The following NEBL variants were observed in gnomAD, a reference collection of about 807,000 sequenced individuals.
NEBL encodes LIM and SH3 protein 2.
NEBL carries 122 observed loss-of-function variants against 140.2 expected under a neutral mutation model. The ratio of observed to expected loss-of-function variants is 0.87; its 90% CI spans 0.75 to 1.01. The LOEUF (loss-of-function observed/expected upper bound fraction) is 1.01, where lower values mean the gene tolerates loss of function less well. NEBL is among the 50% of genes least tolerant of loss of function. The probability of loss-of-function intolerance (pLI) is 0.00; values close to 1 mark genes in which losing one functional copy is unlikely to be tolerated. For missense variants in NEBL, 1,365 were observed against 1,231.3 expected (o/e 1.11, Z -1.62); for synonymous variants, 436 against 398.9 (o/e 1.09, Z -1.11).
chr10:21,205,000 T>G (rs1274543842), intron 3 of NEBL, among the ~76,000 whole-genome samples: 1 of 152,234 alleles, frequency 6.6e-6, no homozygotes, highest in African/African-American at 2.4e-5. Context: ...AGAGCTACTA[T>G]TTCATAAACT....
At chr10:21,011,230 T>C (rs902663131) in intron 3 of NEBL, among the ~76,000 whole-genome samples, 21 of 152,180 alleles carry the variant, frequency 1.4e-4, no homozygotes, top group African/African-American at 4.6e-4. Flanking sequence ...CCCAGATCGC[T>C]GGGTGGCTGG....
intron 26 of NEBL, among the ~76,000 whole-genome samples, chr10:20,794,005 T>C (rs1000320345): frequency 3.9e-5 from 6 of 152,220 alleles, no homozygotes; most frequent in African/African-American, 9.6e-5. Flanking sequence ...CCCAGTGCTT[T>C]GTTTCCAATA....
At chr10:21,074,304 A>G (rs1298403685) in intron 2 of NEBL, among the ~76,000 whole-genome samples, 1 of 152,040 alleles carries the variant, frequency 6.6e-6, no homozygotes. Flanking sequence ...GTCTCTTTAG[A>G]TCTAGGCTTC....
intron 3 of NEBL, chr10:21,247,708 T>A (rs1774701771): frequency 6.6e-6 from 1 of 152,308 alleles, no homozygotes; most frequent in South Asian, 2.1e-4. Flanking sequence ...AGGTACCTCA[T>A]ACATGTGAAA....
chr10:21,087,403 A>C (rs896517317), intron 2 of NEBL, among the ~76,000 whole-genome samples: 2 of 152,156 alleles, frequency 1.3e-5, no homozygotes, highest in African/African-American at 4.8e-5. Flanking sequence ...TTTAGAAAAC[A>C]CACACTGAGA....
chr10:20,840,507 T>G (rs891416793), intron 13 of NEBL, among the ~76,000 whole-genome samples: 3 of 152,146 alleles, frequency 2.0e-5, no homozygotes, highest in Non-Finnish European at 2.9e-5. Flanking sequence ...TAAACTATTT[T>G]CGTTTATTAT....
At chr10:20,909,202 G>C (rs1225614291) in intron 4 of NEBL, among the ~76,000 whole-genome samples, 1 of 151,052 alleles carries the variant, frequency 6.6e-6, no homozygotes, top group Non-Finnish European at 1.5e-5. Context: ...AGTTATTATT[G>C]ACAGTCACCC....
intron 13 of NEBL, among the ~76,000 whole-genome samples, chr10:20,837,085 A>C (rs552724850): frequency 1.3e-5 from 2 of 152,286 alleles, no homozygotes; most frequent in South Asian, 4.1e-4. Flanking sequence ...AATGGCCCCT[A>C]GATGGTCAAG....
chr10:21,100,015 T>C (rs1356931387), intron 2 of NEBL, among the ~76,000 whole-genome samples: 1 of 152,160 alleles, frequency 6.6e-6, no homozygotes, highest in African/African-American at 2.4e-5. Context: ...CCTTTCTATT[T>C]CCCTTAAAAA....
At chr10:21,184,804 T>C (rs1841439462) in intron 3 of NEBL, among the ~76,000 whole-genome samples, 1 of 152,266 alleles carries the variant, frequency 6.6e-6, no homozygotes, top group African/African-American at 2.4e-5. Context: ...AAAACATTTG[T>C]TCGTGATGAT....
chr10:21,179,684 G>A (rs1841357371), upstream of NEBL, among the ~76,000 whole-genome samples: 1 of 151,594 alleles, frequency 6.6e-6, no homozygotes, highest in African/African-American at 2.4e-5. Flanking sequence ...ATAACACTAA[G>A]AGGGAGGCAA....
chr10:21,069,173 G>A (rs1835703565), intron 2 of NEBL, among the ~76,000 whole-genome samples: 1 of 152,182 alleles, frequency 6.6e-6, no homozygotes, highest in Non-Finnish European at 1.5e-5. Flanking sequence ...ACAGTCATGA[G>A]CCACCACACC....
chr10:20,861,363 G>A (rs987109484), intron 7 of NEBL, among the ~76,000 whole-genome samples: 4 of 152,110 alleles, frequency 2.6e-5, no homozygotes, highest in Admixed American at 1.3e-4. Context: ...ATTTTTAGCA[G>A]AGACAGGGTT....
At chr10:21,290,431 A>G (rs927581962) in intron 1 of NEBL, among the ~76,000 whole-genome samples, 1 of 152,242 alleles carries the variant, frequency 6.6e-6, no homozygotes, top group Non-Finnish European at 1.5e-5. Context: ...AAGCACATGC[A>G]GAGGTTCACT....
At chr10:21,140,547 A>AT in intron 2 of NEBL, among the ~76,000 whole-genome samples, 1 of 152,220 alleles carries the variant, frequency 6.6e-6, no homozygotes, top group Admixed American at 6.5e-5. Flanking sequence ...GCCTGAGTTT[A>AT]TCAAGCATCA....
chr10:20,912,677 C>A (rs1848377738), intron 4 of NEBL, among the ~76,000 whole-genome samples: 1 of 151,996 alleles, frequency 6.6e-6, no homozygotes. Flanking sequence ...TACGTTGCAC[C>A]TAGATTACTC....
chr10:20,930,676 C>A (rs1834140172), intron 4 of NEBL, among the ~76,000 whole-genome samples: 1 of 152,120 alleles, frequency 6.6e-6, no homozygotes, highest in Non-Finnish European at 1.5e-5. Context: ...CACTTGCTAC[C>A]CCTTCTGCCT....
intron 1 of NEBL, among the ~76,000 whole-genome samples, chr10:21,262,586 T>C (rs1258362684): frequency 2.6e-5 from 4 of 152,198 alleles, no homozygotes; most frequent in African/African-American, 9.6e-5. Flanking sequence ...CAGTTAAATA[T>C]AGGGCTGAAT....
intron 12 of NEBL, chr10:20,841,626 G>C (rs1841419677): frequency 6.6e-6 from 1 of 152,162 alleles, no homozygotes; most frequent in African/African-American, 2.4e-5. Flanking sequence ...TGATGATGAT[G>C]ATAGCGATGA....
Sources: allele counts gnomAD v4.1 joint callset (sites outside exome capture counted in the v4.1 genomes callset), GRCh38; gene constraint gnomAD v4.1.1; transcripts MANE v1.5; gene names NCBI Gene and HGNC (gene_info 2026-07-23, HGNC 2026-07-21).